The following CNTN4 variants were observed in gnomAD, a reference collection of about 807,000 sequenced individuals.
The protein encoded by CNTN4 is contactin-4.
A neutral mutation model predicts 122.5 loss-of-function variants in CNTN4; 77 were observed. The observed-to-expected ratio is 0.63, with a 90% CI of 0.52 to 0.76. The LOEUF (loss-of-function observed/expected upper bound fraction) is 0.76, where lower values mean the gene tolerates loss of function less well. Ranked by LOEUF, CNTN4 falls within the 30% of genes least tolerant of loss-of-function variation. The pLI is 0.00. For synonymous variants in CNTN4, 512 were observed against 447.0 expected (o/e 1.15, Z -1.83); for missense variants, 1,256 against 1,259.1 (o/e 1.00, Z 0.04).
chr3:2,266,069 T>C (rs2041030900), intron 2 of CNTN4, among the ~76,000 whole-genome samples: 1 of 152,128 alleles, frequency 6.6e-6, no homozygotes, highest in Admixed American at 6.6e-5. Context: ...TTTTCTTTCC[T>C]AACAGCTCTG....
intron 3 of CNTN4, among the ~76,000 whole-genome samples, chr3:2,357,750 C>T (rs1242093169): frequency 6.6e-6 from 1 of 152,170 alleles, no homozygotes; most frequent in Non-Finnish European, 1.5e-5. Flanking sequence ...TAAGTAGTGT[C>T]CAATTCCAAT....
At chr3:2,105,119 T>C (rs148834516) in intron 2 of CNTN4, among the ~76,000 whole-genome samples, 1 of 152,304 alleles carries the variant, frequency 6.6e-6, no homozygotes, top group Non-Finnish European at 1.5e-5. Flanking sequence ...CTAGTTGGGC[T>C]CCATGTATGC....
At chr3:2,798,793 T>C (rs1046731703) in intron 6 of CNTN4, among the ~76,000 whole-genome samples, 2 of 152,166 alleles carry the variant, frequency 1.3e-5, no homozygotes, top group African/African-American at 4.8e-5. Flanking sequence ...TTACAGGTGT[T>C]AGCCACTGCA....
At chr3:2,425,524 T>A (rs1033024939) in intron 3 of CNTN4, among the ~76,000 whole-genome samples, 5 of 152,192 alleles carry the variant, frequency 3.3e-5, no homozygotes, top group Non-Finnish European at 5.9e-5. Flanking sequence ...AGCTTTGTTC[T>A]TTTGGTTTAG....
intron 4 of CNTN4, among the ~76,000 whole-genome samples, chr3:2,603,977 G>A (rs1210175437): frequency 6.6e-6 from 1 of 152,196 alleles, no homozygotes; most frequent in East Asian, 1.9e-4. Flanking sequence ...AGAGACCTGG[G>A]CTGATGGAGG....
In CNTN4 at chr3:2,416,796, G is replaced by A. The variant is rs539774677; in HGVS notation, c.-89+77563G>A. Among the ~76,000 whole-genome samples the A allele has an allele frequency of 4.5e-3, 690 of 152,208 alleles. 2 individuals are homozygous for A. Among genetic ancestry groups the A allele is most frequent in the Non-Finnish European group, 7.5e-3 (507 of 68,014 alleles). On this transcript the variant is annotated intron_variant, in intron 3 of 24. Coordinates refer to ENST00000418658, the MANE Select transcript of CNTN4 (RefSeq NM_175607.3). ...AGCCTCCCGAGTAGCTGGGACTACA[G>A]GCGCCTGCAACCTCGCCCGGCTAAT...
chr3:2,111,211 A>G (rs1371187825), intron 2 of CNTN4, among the ~76,000 whole-genome samples: 1 of 152,202 alleles, frequency 6.6e-6, no homozygotes, highest in African/African-American at 2.4e-5. Flanking sequence ...ATGCTTATAT[A>G]CGCACTGTGA....
intron 2 of CNTN4, among the ~76,000 whole-genome samples, chr3:2,103,209 ACTTTTCTTATTTAAGCCACTGGACCG>A (rs2032137686): frequency 6.7e-6 from 1 of 150,236 alleles, no homozygotes; most frequent in Non-Finnish European, 1.5e-5. Flanking sequence ...TTGCCTCAAT[ACTTTTCTTATTTAAGCCACTGGACCG>A]CTTTTTACTT....
At chr3:2,178,462 A>T (rs1395338294) in intron 2 of CNTN4, among the ~76,000 whole-genome samples, 1 of 151,650 alleles carries the variant, frequency 6.6e-6, no homozygotes. Flanking sequence ...GAAAAAAAAA[A>T]TTGTAACATC....
intron 2 of CNTN4, among the ~76,000 whole-genome samples, chr3:2,271,143 A>C (rs1215061460): frequency 7.5e-6 from 1 of 132,922 alleles, no homozygotes; most frequent in Non-Finnish European, 1.8e-5. Context: ...TTTAGAATTA[A>C]CTGCCTCCAG....
chr3:2,297,219 G>A (rs763042120), intron 2 of CNTN4, among the ~76,000 whole-genome samples: 1 of 152,076 alleles, frequency 6.6e-6, no homozygotes, highest in Non-Finnish European at 1.5e-5. Flanking sequence ...TACATTATTT[G>A]CAACTATGAG....
chr3:2,783,148 T>C (rs2091674469), intron 6 of CNTN4, among the ~76,000 whole-genome samples: 1 of 150,954 alleles, frequency 6.6e-6, no homozygotes, highest in South Asian at 2.1e-4. Context: ...TAGCAGGACA[T>C]AGTGGTGGTA....
At chr3:2,667,948 T>C (rs2084269090) in intron 4 of CNTN4, among the ~76,000 whole-genome samples, 1 of 152,126 alleles carries the variant, frequency 6.6e-6, no homozygotes, top group Non-Finnish European at 1.5e-5. Flanking sequence ...TCCATTGGTC[T>C]ATATGTCTGT....
At chr3:2,882,079 A>G (rs1004815454) in intron 8 of CNTN4, among the ~76,000 whole-genome samples, 8 of 152,068 alleles carry the variant, frequency 5.3e-5, no homozygotes, top group African/African-American at 1.9e-4. Context: ...AATAATTGAT[A>G]AGGCCAGGAG....
chr3:3,005,589 A>G (rs1696532680), intron 14 of CNTN4, among the ~76,000 whole-genome samples: 5 of 152,172 alleles, frequency 3.3e-5, no homozygotes, highest in Non-Finnish European at 7.3e-5. Flanking sequence ...TGGTCTAGAG[A>G]GTTCAAGACC....
intron 4 of CNTN4, among the ~76,000 whole-genome samples, chr3:2,673,278 AGTC>A (rs2084643180): frequency 6.6e-6 from 1 of 152,146 alleles, no homozygotes; most frequent in South Asian, 2.1e-4. Flanking sequence ...GGCTATGTAC[AGTC>A]GATTTATGCT....
chr3:2,381,464 A>C (rs187600492), intron 3 of CNTN4, among the ~76,000 whole-genome samples: 148 of 152,278 alleles, frequency 9.7e-4, no homozygotes, highest in African/African-American at 3.4e-3. Context: ...CTTAGCTATC[A>C]CTAGTCTGGA....
At chr3:2,955,674 A>G (rs1022887559) in intron 13 of CNTN4, among the ~76,000 whole-genome samples, 2 of 152,216 alleles carry the variant, frequency 1.3e-5, no homozygotes, top group Admixed American at 6.5e-5. Context: ...TCATGCCAAC[A>G]TTTAGTAGTG....
At chr3:2,924,216 A>G (rs17022691) in intron 12 of CNTN4, among the ~76,000 whole-genome samples, 17,725 of 152,162 alleles carry the variant, frequency 0.12, 1,164 homozygotes, top group Non-Finnish European at 0.15. Flanking sequence ...AAAGAATGTA[A>G]TCAAGATTTG....
Sources: gnomAD v4.1 joint callset for allele counts (sites outside exome capture counted in the v4.1 genomes callset) on GRCh38, gnomAD v4.1.1 for gene constraint, MANE v1.5 for transcripts, NCBI Gene and HGNC (gene_info 2026-07-23, HGNC 2026-07-21) for gene names.